Variants in JPT1 observed in about 807,000 individuals in gnomAD.
The protein encoded by JPT1 is androgen-regulated protein 2.
JPT1 carries 5 observed loss-of-function variants against 17.0 expected under a neutral mutation model. The ratio of observed to expected loss-of-function variants is 0.29; its 90% CI spans 0.15 to 0.62. The LOEUF (loss-of-function observed/expected upper bound fraction) is 0.62, where lower values mean the gene tolerates loss of function less well. Among genes scored for constraint, JPT1 ranks in the 20% least tolerant of loss-of-function variants. The pLI is 0.85. For missense variants in JPT1, 158 were observed against 188.1 expected (o/e 0.84, Z 0.94); for synonymous variants, 71 against 73.6 (o/e 0.96, Z 0.18).
intron 4 of JPT1, among the ~76,000 whole-genome samples, chr17:75,141,675 A>G (rs1328313579): frequency 1.3e-5 from 2 of 150,834 alleles, no homozygotes; most frequent in Admixed American, 1.3e-4. Context: ...AAAAACAACA[A>G]CAGGTAACCA....
At chr17:75,150,847 CTTTTTTTTTTTTT>C (rs59267123) in intron 1 of JPT1, among the ~76,000 whole-genome samples, 4 of 65,960 alleles carry the variant, frequency 6.1e-5, no homozygotes, top group Admixed American at 2.0e-4. Flanking sequence ...ATTTTTCTTT[CTTTTTTTTTTTTT>C]TTTTTTTTTT....
In JPT1 at chr17:75,154,124, G is replaced by A. The variant is rs149472248; in HGVS notation, c.56+218C>T. On this transcript the variant is annotated intron_variant, in intron 1 of 4. Coordinates refer to ENST00000409753, the MANE Select transcript of JPT1 (RefSeq NM_016185.4). The stretch of plus-strand genomic sequence containing the variant: ...CTCCTCAGCCCCTGACTCCGTGGAA[G>A]GAATGAATGGAGAGCAGCAGGGACC... 5.4e-5 allele frequency: 14 copies of A among 259,692 alleles called. No homozygotes were observed. The East Asian group carries it at 1.1e-3, about 21-fold the overall frequency. The allele number at this position is 259,692 out of a possible 1,614,324, so 16.1% of individuals were successfully genotyped here.
chr17:75,138,281 GCA>G (rs2074246032), intron 4 of JPT1: 1 of 152,024 alleles, frequency 6.6e-6, no homozygotes, highest in African/African-American at 2.4e-5. Flanking sequence ...CTTTTTAATA[GCA>G]AGTTTATTTC....
intron 4 of JPT1, among the ~76,000 whole-genome samples, chr17:75,138,070 C>T (rs2074241474): frequency 2.0e-5 from 3 of 152,182 alleles, no homozygotes; most frequent in Admixed American, 6.6e-5. Flanking sequence ...AATTCTCCTG[C>T]CTCAGCATCC....
At chr17:75,144,520 T>TA (rs895575393) in intron 4 of JPT1, among the ~76,000 whole-genome samples, 17 of 150,710 alleles carry the variant, frequency 1.1e-4, no homozygotes, top group South Asian at 4.2e-4. Flanking sequence ...TAGAAAAAAA[T>TA]AAAAAAAAAT....
At chr17:75,141,859 A>C (rs1461694815) in intron 4 of JPT1, among the ~76,000 whole-genome samples, 2 of 152,226 alleles carry the variant, frequency 1.3e-5, no homozygotes, top group East Asian at 3.9e-4. Context: ...GCTTGAGGTC[A>C]GGAGTTCGAG....
intron 4 of JPT1, chr17:75,142,778 C>G (rs534532980): frequency 2.2e-6 from 1 of 456,172 alleles, no homozygotes; most frequent in South Asian, 1.5e-5. Context: ...AGAAGTCTTT[C>G]CAGAACAGTA....
At chr17:75,150,677 C>T (rs2074531559) in intron 1 of JPT1, among the ~76,000 whole-genome samples, 1 of 152,106 alleles carries the variant, frequency 6.6e-6, no homozygotes. Flanking sequence ...CATGAGCTAC[C>T]CAGCCCAGCC....
At chr17:75,148,441 G>A (rs941672858) in intron 2 of JPT1, 88 bp downstream of exon 2, 2 of 1,468,846 alleles carry the variant, frequency 1.4e-6, no homozygotes, top group Non-Finnish European at 1.9e-6. Context: ...TTTTAGACAC[G>A]GGGGCACATG....
chr17:75,148,495 C>G (rs2074483461), intron 2 of JPT1, 34 bp downstream of exon 2: 2 of 1,609,570 alleles, frequency 1.2e-6, no homozygotes, highest in African/African-American at 1.3e-5. Flanking sequence ...CTGGGCCCAT[C>G]CCTTTGAACA....
intron 2 of JPT1, 85 bp downstream of exon 2, chr17:75,148,444 G>A: frequency 1.3e-6 from 2 of 1,503,370 alleles, no homozygotes; most frequent in South Asian, 1.2e-5. Flanking sequence ...TAGACACGGG[G>A]GCACATGCTG....
intron 4 of JPT1, among the ~76,000 whole-genome samples, chr17:75,145,077 G>T (rs2074397637): frequency 6.8e-6 from 1 of 146,410 alleles, no homozygotes; most frequent in Non-Finnish European, 1.5e-5. Context: ...GCCAGGAGAA[G>T]TGCTTGAACC....
intron 4 of JPT1, chr17:75,142,665 AGGAAGGGAACG>A: frequency 3.4e-6 from 1 of 295,510 alleles, no homozygotes; most frequent in Middle Eastern, 7.9e-4. Flanking sequence ...GGGAAGGGGG[AGGAAGGGAACG>A]GGAAGGGATG....
intron 4 of JPT1, among the ~76,000 whole-genome samples, chr17:75,143,427 C>G (rs527966426): frequency 2.0e-5 from 3 of 152,084 alleles, no homozygotes; most frequent in East Asian, 3.9e-4. Flanking sequence ...GGTATAGTAG[C>G]GTGCACCTGT....
intron 4 of JPT1, among the ~76,000 whole-genome samples, chr17:75,144,351 AAAAG>A (rs2074383723): frequency 6.6e-6 from 1 of 152,028 alleles, no homozygotes; most frequent in Admixed American, 6.6e-5. Context: ...TCTCTACAAA[AAAAG>A]AAAAAAAATT....
chr17:75,153,480 A>T (rs534369092), intron 1 of JPT1: 1 of 152,338 alleles, frequency 6.6e-6, no homozygotes, highest in South Asian at 2.1e-4. Context: ...AACCAGGGCC[A>T]GGGATGAACT....
At position 75,154,415 on chromosome 17, in the gene JPT1, T is replaced by G. The variant is rs754541342; in HGVS notation, c.-18A>C. 1.9e-6 allele frequency: 3 copies of G among 1,546,872 alleles called. No individual in the cohort carries two copies. Among genetic ancestry groups the G allele is most frequent in the Non-Finnish European group, 1.7e-6 (2 of 1,145,236 alleles). On this transcript the variant is annotated 5_prime_UTR_variant, in exon 1 of 5. Coordinates refer to ENST00000409753, the MANE Select transcript of JPT1 (RefSeq NM_016185.4). ...GTGGTCATGGCGCCGAGGAGCGAGG[T>G]AGGCTGGCGCCGGAGCAGAACGCTC...
chr17:75,136,350 T>A (rs138237652), intron 4 of JPT1, 100 bp from the exon 5 acceptor site: 28,758 of 1,202,346 alleles, frequency 0.024, 414 homozygotes, highest in South Asian at 0.036. Flanking sequence ...GGTTTGATGG[T>A]TGGAAACATA....
At chr17:75,146,550 G>A (rs2074438686) in intron 4 of JPT1, 116 bp downstream of exon 4, 2 of 710,826 alleles carry the variant, frequency 2.8e-6, no homozygotes, top group East Asian at 2.8e-5. Context: ...CGGCACTTGG[G>A]GCATGGCCAG....
Sources: allele counts gnomAD v4.1 joint callset (sites outside exome capture counted in the v4.1 genomes callset), GRCh38; gene constraint gnomAD v4.1.1; transcripts MANE v1.5; gene names NCBI Gene and HGNC (gene_info 2026-07-23, HGNC 2026-07-21).